UBE3C: variants seen among roughly 807,000 people sequenced by gnomAD.
The protein encoded by UBE3C is ubiquitin-protein ligase E3C.
Under a neutral mutation model 129.4 loss-of-function variants are expected in UBE3C, and 42 were observed. The ratio of observed to expected loss-of-function variants is 0.32; its 90% CI spans 0.25 to 0.42. The LOEUF (loss-of-function observed/expected upper bound fraction) is 0.42, where lower values mean the gene tolerates loss of function less well. Ranked by LOEUF, UBE3C falls within the 10% of genes least tolerant of loss-of-function variation. The probability of loss-of-function intolerance (pLI) is 1.00; values close to 1 mark genes in which losing one functional copy is unlikely to be tolerated. For synonymous variants in UBE3C, 510 were observed against 492.4 expected, an observed-to-expected ratio of 1.04 and a Z score of -0.47; for missense variants, 1,049 against 1,319.1, an observed-to-expected ratio of 0.80 and a Z score of 3.17.
Position 157,248,486 on chromosome 7 carries a change from A to T in UBE3C, c.2600A>T (p.Tyr867Phe). Reference protein sequence around the residue: ...HHLASLDPEVYKNLLFLKSYE... With the variant: ...HHLASLDPEVFKNLLFLKSYE... ...CTCGCCTCCCTAGACCCTGAGGTGT[A>T]TAAGAATTTGCTCTTTCTGAAGAGC... Residue 867 changes from tyrosine (Y) to phenylalanine (F), a missense_variant, in exon 19 of 23, where the codon TAT becomes TTT. Transcript: ENST00000348165. 1 of 1,613,564 alleles carries T rather than the reference A, an allele frequency of 6.2e-7. No homozygotes were observed. Among genetic ancestry groups the T allele is most frequent in the Non-Finnish European group, 8.5e-7 (1 of 1,180,020 alleles).
At position 157,248,519 on chromosome 7, in the gene UBE3C, A is replaced by G; in HGVS notation, c.2633A>G (p.Asp878Gly). The G allele has an allele frequency of 6.2e-7, 1 of 1,613,084 alleles. No homozygotes were observed. The highest frequency in any genetic ancestry group is 8.5e-7 in the Non-Finnish European group (1 of 1,180,026). ...KNLLFLKSYE[D>G]DVEELGLNFT... ...TTGCTCTTTCTGAAGAGCTACGAAG[A>G]CGATGTGGAGGAGCTTGGGCTGAAC... Residue 878 changes from aspartate to glycine, a missense_variant, in exon 19 of 23, where the codon GAC (aspartate) becomes GGC (glycine). Transcript: ENST00000348165.
At chr7:157,155,623 A>C (rs1807881576) in intron 1 of UBE3C, among the ~76,000 whole-genome samples, 1 of 152,226 alleles carries the variant, frequency 6.6e-6, no homozygotes, top group South Asian at 2.1e-4. Flanking sequence ...TACTATTTCA[A>C]ATAAAGAATA....
intron 15 of UBE3C, 27 bp from the exon 16 acceptor site, chr7:157,223,226 CT>C: frequency 6.2e-7 from 1 of 1,607,766 alleles, no homozygotes. Context: ...TACAAGTGAA[CT>C]AATTAAGGTT....
intron 16 of UBE3C, among the ~76,000 whole-genome samples, chr7:157,223,595 T>A (rs979900337): frequency 6.6e-6 from 1 of 152,212 alleles, no homozygotes; most frequent in South Asian, 2.1e-4. Context: ...AGATTTCTTA[T>A]AATGAGGGTC....
chr7:157,251,872 C>T (rs753591329), intron 19 of UBE3C, among the ~76,000 whole-genome samples: 3 of 152,144 alleles, frequency 2.0e-5, no homozygotes, highest in Non-Finnish European at 4.4e-5. Flanking sequence ...CAGTGGCTCA[C>T]GGCTGTAATC....
chr7:157,155,324 T>C (rs1807872352), intron 1 of UBE3C, among the ~76,000 whole-genome samples: 1 of 152,158 alleles, frequency 6.6e-6, no homozygotes, highest in South Asian at 2.1e-4. Flanking sequence ...AGCCAGAAAA[T>C]ACTGAACTGA....
chr7:157,248,767 A>T (rs993023041), intron 19 of UBE3C, 187 bp downstream of exon 19: 1 of 614,080 alleles, frequency 1.6e-6, no homozygotes. Flanking sequence ...AGCTGAGTGC[A>T]GTTCCTGCTC....
At position 157,207,758 on chromosome 7, in the gene UBE3C, G is replaced by A. The variant is rs1279675926; in HGVS notation, c.1632G>A (p.Met544Ile). Reference sequence around the variant, plus strand: ...CTTTTACTTTAGAAGAGCTGATAATGTTGTCTCGATGCCTTCGAGATGCAT... The same window carrying A: ...CTTTTACTTTAGAAGAGCTGATAATATTGTCTCGATGCCTTCGAGATGCAT... The part of the protein sequence containing the change: ...MMPFTLEELI[M>I]LSRCLRDACL... Residue 544 changes from methionine (M) to isoleucine (I), a missense_variant, in exon 13 of 23, where the codon ATG (methionine) becomes ATA (isoleucine). Met to Ile is a conservative substitution (Grantham distance 10, BLOSUM62 1). Coordinates refer to ENST00000348165, the MANE Select transcript of UBE3C (RefSeq NM_014671.3). 1 of 1,614,150 alleles carries A rather than the reference G, an allele frequency of 6.2e-7. No individual in the cohort carries two copies. The highest frequency in any genetic ancestry group is 2.2e-5 in the East Asian group (1 of 44,880).
intron 18 of UBE3C, among the ~76,000 whole-genome samples, chr7:157,243,136 A>G (rs1341167629): frequency 1.3e-5 from 2 of 152,162 alleles, no homozygotes; most frequent in Non-Finnish European, 2.9e-5. Context: ...CTATGAGGAA[A>G]ATAGGACAGG....
At chr7:157,152,424 G>A (rs1372379777) in intron 1 of UBE3C, among the ~76,000 whole-genome samples, 3 of 152,174 alleles carry the variant, frequency 2.0e-5, no homozygotes, top group Non-Finnish European at 4.4e-5. Context: ...GAAATCAAGG[G>A]AGAAGCACCC....
chr7:157,178,010 C>A (rs775137807), intron 5 of UBE3C, among the ~76,000 whole-genome samples: 6 of 149,628 alleles, frequency 4.0e-5, no homozygotes, highest in East Asian at 2.0e-4. Flanking sequence ...AAAATAAGTT[C>A]GGTGTTAGAC....
chr7:157,189,023 C>A, intron 10 of UBE3C: 1 of 534,612 alleles, frequency 1.9e-6, no homozygotes, highest in Non-Finnish European at 3.4e-6. Context: ...ACATGAAAAC[C>A]GGGAAGACAC....
Position 157,223,916 on chromosome 7 carries a change from T to C in UBE3C, c.2100+565T>C, listed in dbSNP as rs113332480. The stretch of plus-strand genomic sequence containing the variant: ...GCCTGGGCAACAAAGCCAGAACCTA[T>C]CTCAAAGGGGGGAAGAAACTTTGCA... On this transcript the variant is annotated intron_variant, in intron 16 of 22. Transcript: ENST00000348165. 5.0e-3 allele frequency among the ~76,000 whole-genome samples: 762 copies of C among 152,182 alleles called. 4 individuals carry two copies. Among genetic ancestry groups the C allele is most frequent in the African/African-American group, 8.5e-3 (354 of 41,536 alleles).
chr7:157,215,460 ATAT>A (rs1419293011), intron 13 of UBE3C, among the ~76,000 whole-genome samples: 1 of 148,426 alleles, frequency 6.7e-6, no homozygotes, highest in African/African-American at 2.4e-5. Context: ...TAGATTAGAT[ATAT>A]TATAAATTTA....
In UBE3C at chr7:157,267,647, C is replaced by A; in HGVS notation, c.3144C>A (p.Ala1048=). 3.7e-6 allele frequency: 6 copies of A among 1,613,810 alleles called. No homozygotes were observed. Among genetic ancestry groups the A allele is most frequent in the Non-Finnish European group, 5.1e-6 (6 of 1,179,950 alleles). Residue 1048 remains alanine, a synonymous_variant, in exon 23 of 23, where the codon GCC becomes GCA. Transcript: ENST00000348165. ...CCGACCTTGAGCGGCTCCCCACAGC[C>A]AGCACCTGCATGAACCTGCTGAAGC... The part of the protein sequence containing the change: ...GGSDLERLPT[A]STCMNLLKLP...
rs749087255 is a variant in UBE3C at position 157,139,300 on chromosome 7, A to T, written c.28A>T (p.Thr10Ser). Residue 10 changes from threonine to serine, a missense_variant, in exon 1 of 23, where the codon ACG (threonine) becomes TCG (serine). By Grantham distance (58) the Thr-to-Ser change is moderately conservative (BLOSUM62 1). Around this residue, in one of 4 missense-constraint regions of UBE3C, gnomAD observed 489 missense variants for 513.8 expected, o/e 0.95. Coordinates refer to ENST00000348165, the MANE Select transcript of UBE3C (RefSeq NM_014671.3). ...GTTCAGCTTCGAAGGCGACTTCAAGACGCGGCCCAAGGTGTCCCTTGGCGG... is the reference window on the plus strand; with the variant it reads ...GTTCAGCTTCGAAGGCGACTTCAAGTCGCGGCCCAAGGTGTCCCTTGGCGG... MFSFEGDFK[T>S]RPKVSLGGAS... 1 of 1,582,890 alleles carries T rather than the reference A, an allele frequency of 6.3e-7. No homozygotes were observed. The highest frequency in any genetic ancestry group is 8.5e-7 in the Non-Finnish European group (1 of 1,171,828).
chr7:157,154,237 T>G (rs1162869188), intron 1 of UBE3C, among the ~76,000 whole-genome samples: 1 of 151,964 alleles, frequency 6.6e-6, no homozygotes, highest in Non-Finnish European at 1.5e-5. Flanking sequence ...GGAGAATTGC[T>G]TGAACCTGGG....
intron 10 of UBE3C, chr7:157,197,995 G>A (rs754950565): frequency 4.3e-5 from 69 of 1,607,618 alleles, no homozygotes; most frequent in Non-Finnish European, 5.8e-5. Context: ...TCTTGATCCT[G>A]ATGGTCCTCC....
At chr7:157,203,792 G>T (rs529056394) in intron 11 of UBE3C, among the ~76,000 whole-genome samples, 1 of 152,236 alleles carries the variant, frequency 6.6e-6, no homozygotes, top group Middle Eastern at 3.4e-3. Context: ...GTATTAATGC[G>T]TTCCCAATAC....
Sources: allele counts gnomAD v4.1 joint callset (sites outside exome capture counted in the v4.1 genomes callset), GRCh38; gene constraint gnomAD v4.1.1; regional missense constraint gnomAD v4.1.1; transcripts MANE v1.5; gene names NCBI Gene and HGNC (gene_info 2026-07-23, HGNC 2026-07-21).